Variants in FGF12 observed in about 807,000 individuals in gnomAD.
FGF12 encodes fibroblast growth factor 12, also known as fibroblast growth factor 12B.
In FGF12, 14 loss-of-function variants were observed where a neutral mutation model predicts 23.6. That is an observed-to-expected ratio of 0.59 (90% confidence interval 0.39 to 0.93). FGF12 has a LOEUF of 0.93. Ranked by LOEUF, FGF12 falls within the 40% of genes least tolerant of loss-of-function variation. The pLI is 0.00. For missense variants in FGF12, 175 were observed against 217.8 expected, an observed-to-expected ratio of 0.80 and a Z score of 1.24; for synonymous variants, 62 against 77.3, an observed-to-expected ratio of 0.80 and a Z score of 1.04.
At chr3:192,504,365 G>T (rs1008403577) in intron 2 of FGF12, among the ~76,000 whole-genome samples, 1 of 152,086 alleles carries the variant, frequency 6.6e-6, no homozygotes, top group Non-Finnish European at 1.5e-5. Context: ...ATAAATAAAA[G>T]AATATCTATG....
intron 2 of FGF12, among the ~76,000 whole-genome samples, chr3:192,640,080 G>A (rs115980582): frequency 4.6e-3 from 695 of 152,244 alleles, no homozygotes; most frequent in Non-Finnish European, 7.1e-3. Context: ...TGGGAATGGG[G>A]GAAGGAAATG....
At chr3:192,396,600 GCT>G (rs1405587819) in intron 2 of FGF12, among the ~76,000 whole-genome samples, 3 of 152,146 alleles carry the variant, frequency 2.0e-5, no homozygotes, top group Non-Finnish European at 4.4e-5. Context: ...ATTGTAATGA[GCT>G]CTGTTTTCCA....
chr3:192,180,598 G>T (rs1256472434), intron 4 of FGF12, among the ~76,000 whole-genome samples: 2 of 152,120 alleles, frequency 1.3e-5, no homozygotes, highest in African/African-American at 4.8e-5. Context: ...ACATTCTTCT[G>T]CTTTTTGGAA....
At chr3:192,695,061 G>T (rs961614734) in intron 2 of FGF12, among the ~76,000 whole-genome samples, 1 of 152,136 alleles carries the variant, frequency 6.6e-6, no homozygotes, top group Non-Finnish European at 1.5e-5. Context: ...GACGACAGAT[G>T]TGTCAACTGG....
intron 2 of FGF12, among the ~76,000 whole-genome samples, chr3:192,365,183 A>T (rs544096556): frequency 4.6e-4 from 70 of 152,206 alleles, no homozygotes; most frequent in Non-Finnish European, 8.1e-4. Context: ...TATGCATCAT[A>T]GGCCCGTTTC....
intron 2 of FGF12, among the ~76,000 whole-genome samples, chr3:192,646,353 C>A (rs1163443923): frequency 6.6e-6 from 1 of 151,966 alleles, no homozygotes; most frequent in African/African-American, 2.4e-5. Context: ...TACTAATGAG[C>A]CCCTTTCTCC....
intron 2 of FGF12, among the ~76,000 whole-genome samples, chr3:192,415,210 TCAC>T (rs1721308671): frequency 2.6e-5 from 4 of 152,128 alleles, no homozygotes; most frequent in Non-Finnish European, 5.9e-5. Context: ...GAAAGACCTG[TCAC>T]AACAGACCGC....
intron 2 of FGF12, among the ~76,000 whole-genome samples, chr3:192,440,400 AC>A (rs1440976436): frequency 1.3e-5 from 2 of 152,166 alleles, no homozygotes; most frequent in Admixed American, 1.3e-4. Flanking sequence ...ACACAAGACA[AC>A]AGCGGTGGCA....
At position 192,360,723 on chromosome 3, in the gene FGF12, T is replaced by A. The variant is rs1320741964; in HGVS notation, c.14-185A>T. 6.8e-6 allele frequency: 4 copies of A among 590,146 alleles called. No homozygotes were observed. The South Asian group carries it at 8.4e-5, about 12-fold the overall frequency. The allele number at this position is 590,146 out of a possible 1,614,324, so 36.6% of individuals were successfully genotyped here. ...TTTTTTTTCCATTTAGAGGTAGAGC[T>A]TTAACACTTTTAGCAGTAAACTAAA... is the stretch of plus-strand genomic sequence containing the variant. On this transcript the variant is annotated intron_variant, in intron 2 of 5. Transcript: ENST00000445105. This position sits in a 1 kb window ranked among gnomAD's most constrained non-coding sequence, Gnocchi z 4.3.
intron 2 of FGF12, among the ~76,000 whole-genome samples, chr3:192,381,210 C>T (rs1157369386): frequency 6.6e-6 from 1 of 152,134 alleles, no homozygotes; most frequent in Non-Finnish European, 1.5e-5. Flanking sequence ...TTTCTCCAAA[C>T]AGCACCCGAC....
At position 192,408,844 on chromosome 3, in the gene FGF12, G is replaced by A. The variant is rs565257793; in HGVS notation, c.14-48306C>T. On this transcript the variant is annotated intron_variant, in intron 2 of 5. Coordinates refer to ENST00000445105, the MANE Select transcript of FGF12 (RefSeq NM_004113.6). This position sits in a 1 kb window ranked among gnomAD's most constrained non-coding sequence, Gnocchi z 7.3. ...AGCAATTTAACTCCCTGCGGCCCGCGGTTCTGAAGATTAGGAGGTCCGTCC... is the reference window on the plus strand; with the variant it reads ...AGCAATTTAACTCCCTGCGGCCCGCAGTTCTGAAGATTAGGAGGTCCGTCC... 4 of 985,430 alleles carry A rather than the reference G, an allele frequency of 4.1e-6. No individual in the cohort carries two copies. The highest frequency in any genetic ancestry group is 1.7e-5 in the African/African-American group (1 of 57,238). 61.0% of individuals were successfully genotyped at this position (985,430 alleles called of 1,614,324 possible). A position where few individuals can be genotyped will look rare whatever the true frequency, so the allele number is the denominator to read the frequency against.
At chr3:192,285,026 G>A (rs769669865) in intron 4 of FGF12, among the ~76,000 whole-genome samples, 10 of 152,036 alleles carry the variant, frequency 6.6e-5, no homozygotes, top group Non-Finnish European at 1.0e-4. Context: ...GCCTTTATTC[G>A]GATACACATT....
chr3:192,580,062 G>C (rs2108613273), intron 2 of FGF12, among the ~76,000 whole-genome samples: 1 of 152,268 alleles, frequency 6.6e-6, no homozygotes, highest in East Asian at 1.9e-4. Context: ...AATCTGGGAG[G>C]GAGGCAGACT....
intron 2 of FGF12, among the ~76,000 whole-genome samples, chr3:192,571,032 C>T (rs1448928179): frequency 2.0e-5 from 3 of 152,162 alleles, no homozygotes; most frequent in Non-Finnish European, 4.4e-5. Flanking sequence ...TTCAGAGCTT[C>T]TCCACACCTT....
intron 2 of FGF12, among the ~76,000 whole-genome samples, chr3:192,459,694 G>C (rs1325388209): frequency 6.6e-6 from 1 of 152,172 alleles, no homozygotes; most frequent in Non-Finnish European, 1.5e-5. Flanking sequence ...TGGTTGCATG[G>C]TTTCCAGAAG....
At chr3:192,719,538 C>T (rs746856916) in intron 2 of FGF12, among the ~76,000 whole-genome samples, 1 of 152,056 alleles carries the variant, frequency 6.6e-6, no homozygotes, top group Non-Finnish European at 1.5e-5. Flanking sequence ...TATCTTGATA[C>T]ATAGCAAATA....
At chr3:192,334,313 G>C (rs117200268) in intron 4 of FGF12, among the ~76,000 whole-genome samples, 1,711 of 152,126 alleles carry the variant, frequency 0.011, 28 homozygotes, top group East Asian at 0.049. Flanking sequence ...CAAGGTACCA[G>C]AGTTTTGTTT....
At position 192,534,942 on chromosome 3, in the gene FGF12, G is replaced by A. The variant is rs371670241; in HGVS notation, c.14-174404C>T. Among the ~76,000 whole-genome samples the A allele has an allele frequency of 7.9e-5, 12 of 152,126 alleles. No individual in the cohort carries two copies. In the East Asian group the frequency reaches 2.3e-3, roughly 29 times the overall value. On this transcript the variant is annotated intron_variant, in intron 2 of 5. Coordinates refer to ENST00000445105, the MANE Select transcript of FGF12 (RefSeq NM_004113.6). Reference sequence around the variant, plus strand: ...GTTTCAGTGGATACTTTGATTTTAAGTCTAACTTTTACCTTACACAATTTA... The same window carrying A: ...GTTTCAGTGGATACTTTGATTTTAAATCTAACTTTTACCTTACACAATTTA...
intron 2 of FGF12, among the ~76,000 whole-genome samples, chr3:192,387,483 T>C (rs1720093099): frequency 6.6e-6 from 1 of 152,182 alleles, no homozygotes; most frequent in South Asian, 2.1e-4. Context: ...TTAGTAAATG[T>C]CTAAAAATGA....
Sources: allele counts gnomAD v4.1 joint callset (sites outside exome capture counted in the v4.1 genomes callset), GRCh38; gene constraint gnomAD v4.1.1; non-coding constraint Gnocchi (gnomAD v3.1); transcripts MANE v1.5; gene names NCBI Gene and HGNC (gene_info 2026-07-23, HGNC 2026-07-21).